SHC4: variants seen among roughly 807,000 people sequenced by gnomAD.
SHC4 encodes SHC adaptor protein 4, also known as SHC-transforming protein 4.
SHC4 carries 41 observed loss-of-function variants against 69.4 expected under a neutral mutation model. The ratio of observed to expected loss-of-function variants is 0.59; its 90% CI spans 0.46 to 0.77. The LOEUF (loss-of-function observed/expected upper bound fraction) is 0.77, where lower values mean the gene tolerates loss of function less well. SHC4 is among the 30% of genes least tolerant of loss of function. SHC4 has a pLI of 0.00. For missense variants in SHC4, 777 were observed against 783.8 expected, an observed-to-expected ratio of 0.99 and a Z score of 0.10; for synonymous variants, 318 against 299.3, an observed-to-expected ratio of 1.06 and a Z score of -0.64.
intron 11 of SHC4, among the ~76,000 whole-genome samples, chr15:48,832,207 G>A (rs12899937): frequency 0.12 from 18,551 of 152,204 alleles, 1,624 homozygotes; most frequent in Non-Finnish European, 0.16. Flanking sequence ...AGGAGGCAGA[G>A]GTTGCAGTGA....
chr15:48,896,184 T>G (rs974799621), intron 2 of SHC4, among the ~76,000 whole-genome samples: 1 of 151,608 alleles, frequency 6.6e-6, no homozygotes, highest in African/African-American at 2.4e-5. Context: ...CTTTCCTTCT[T>G]TCTTTTTCTT....
Position 48,907,454 on chromosome 15 carries a change from T to C in SHC4, c.657-16643A>G, listed in dbSNP as rs141212065. Among the ~76,000 whole-genome samples the C allele has an allele frequency of 6.3e-3, 963 of 152,122 alleles. 10 individuals are homozygous for C. The highest frequency in any genetic ancestry group is 0.022 in the African/African-American group (933 of 41,494). ...AAGTTATTGGGGTACAGGTGGTATT[T>C]GGTTACACGAGTAAGGTCTTTAGTG... On this transcript the variant is annotated intron_variant, in intron 2 of 11. Coordinates refer to ENST00000332408, the MANE Select transcript of SHC4 (RefSeq NM_203349.4).
intron 10 of SHC4, among the ~76,000 whole-genome samples, chr15:48,839,338 A>C (rs943575255): frequency 3.3e-5 from 5 of 152,214 alleles, no homozygotes; most frequent in Admixed American, 6.5e-5. Flanking sequence ...AGCGAACTCT[A>C]ATCTCTCATG....
At chr15:48,960,750 G>A (rs1901534042) in intron 1 of SHC4, among the ~76,000 whole-genome samples, 1 of 152,084 alleles carries the variant, frequency 6.6e-6, no homozygotes, top group African/African-American at 2.4e-5. Flanking sequence ...CTACATATTA[G>A]CATTATTTAC....
intron 11 of SHC4, among the ~76,000 whole-genome samples, chr15:48,826,369 A>T (rs1016357896): frequency 6.6e-6 from 1 of 151,340 alleles, no homozygotes; most frequent in Admixed American, 6.6e-5. Context: ...CTAGTGCTTC[A>T]GCCCGAGTAA....
intron 1 of SHC4, among the ~76,000 whole-genome samples, chr15:48,953,309 T>G (rs1483585933): frequency 1.3e-5 from 2 of 152,148 alleles, no homozygotes; most frequent in Non-Finnish European, 2.9e-5. Context: ...GAAAAATAAC[T>G]AATGGGTACC....
chr15:48,951,482 T>TA (rs1011124474), intron 1 of SHC4, among the ~76,000 whole-genome samples: 2 of 151,592 alleles, frequency 1.3e-5, no homozygotes, highest in African/African-American at 2.4e-5. Context: ...TTCCCCCATT[T>TA]AAAAAAAAAT....
intron 1 of SHC4, among the ~76,000 whole-genome samples, chr15:48,957,664 C>T (rs1901477313): frequency 6.6e-6 from 1 of 152,200 alleles, no homozygotes; most frequent in African/African-American, 2.4e-5. Flanking sequence ...GCAATAAATG[C>T]TCTTGGGGAC....
rs74400684 is a variant in SHC4, at chr15:48,958,097, C to G, written c.585+4334G>C. On this transcript the variant is annotated intron_variant, in intron 1 of 11. Coordinates refer to ENST00000332408, the MANE Select transcript of SHC4 (RefSeq NM_203349.4). ...AATCGATTTCTATAGTAGTAAGCCACGCAGTTTGTGGGACTTGTTACAGAA... is the reference window on the plus strand; with the variant it reads ...AATCGATTTCTATAGTAGTAAGCCAGGCAGTTTGTGGGACTTGTTACAGAA... Among the ~76,000 whole-genome samples, 386 of 152,318 alleles carry G rather than the reference C, an allele frequency of 2.5e-3. 4 individuals carry two copies. The East Asian group carries it at 0.05, about 20-fold the overall frequency.
chr15:48,913,740 G>C (rs1337012607), intron 2 of SHC4, among the ~76,000 whole-genome samples: 1 of 152,136 alleles, frequency 6.6e-6, no homozygotes, highest in Admixed American at 6.5e-5. Context: ...AGGCAGGAAT[G>C]ACCTGCTAGG....
chr15:48,915,588 GC>G (rs1369045067), intron 2 of SHC4, among the ~76,000 whole-genome samples: 1 of 152,178 alleles, frequency 6.6e-6, no homozygotes, highest in Non-Finnish European at 1.5e-5. Context: ...ACCAGTGCTC[GC>G]TGAGGGGAGA....
intron 1 of SHC4, among the ~76,000 whole-genome samples, chr15:48,956,652 C>G (rs2141042278): frequency 6.6e-6 from 1 of 152,268 alleles, no homozygotes; most frequent in South Asian, 2.1e-4. Context: ...CTACCACCCT[C>G]CATCTCTCTA....
intron 2 of SHC4, among the ~76,000 whole-genome samples, chr15:48,893,071 T>TGATTCTCACACC (rs1900163589): frequency 6.6e-6 from 1 of 152,224 alleles, no homozygotes; most frequent in South Asian, 2.1e-4. Flanking sequence ...TTTGTTTTCT[T>TGATTCTCACACC]GATTCTCACA....
chr15:48,915,479 G>A (rs969467579), intron 2 of SHC4, among the ~76,000 whole-genome samples: 2 of 152,196 alleles, frequency 1.3e-5, no homozygotes, highest in African/African-American at 4.8e-5. Context: ...ACTAAAAGAG[G>A]TGGTCACTGT....
At chr15:48,907,976 G>A (rs1012476907) in intron 2 of SHC4, among the ~76,000 whole-genome samples, 87 of 151,954 alleles carry the variant, frequency 5.7e-4, no homozygotes, top group African/African-American at 2.0e-3. Context: ...TATCTTTTTC[G>A]AATAATGACT....
chr15:48,841,160 C>T (rs946305879), intron 10 of SHC4, among the ~76,000 whole-genome samples: 2 of 152,160 alleles, frequency 1.3e-5, no homozygotes, highest in Non-Finnish European at 2.9e-5. Context: ...TATTCCAGAT[C>T]ACCTAATTTG....
chr15:48,954,959 C>A (rs1901420151), intron 1 of SHC4, among the ~76,000 whole-genome samples: 1 of 152,252 alleles, frequency 6.6e-6, no homozygotes, highest in South Asian at 2.1e-4. Flanking sequence ...AACTGCTGTA[C>A]AAATTAACTC....
At chr15:48,892,895 G>A (rs1180634696) in intron 2 of SHC4, among the ~76,000 whole-genome samples, 1 of 149,426 alleles carries the variant, frequency 6.7e-6, no homozygotes, top group African/African-American at 2.4e-5. Context: ...GACTATAAAT[G>A]ATATGAACTT....
intron 11 of SHC4, among the ~76,000 whole-genome samples, 188 bp from the exon 12 acceptor site, chr15:48,826,314 C>T (rs1445643784): frequency 1.4e-4 from 21 of 150,590 alleles, no homozygotes; most frequent in Admixed American, 9.9e-4. Context: ...TGTAGTGGCA[C>T]GATCTCGACT....
Sources: gnomAD v4.1 joint callset for allele counts (sites outside exome capture counted in the v4.1 genomes callset) on GRCh38, gnomAD v4.1.1 for gene constraint, MANE v1.5 for transcripts, NCBI Gene and HGNC (gene_info 2026-07-23, HGNC 2026-07-21) for gene names.